The following KIF13B variants were observed in gnomAD, a reference collection of about 807,000 sequenced individuals.
KIF13B encodes the protein kinesin-like protein KIF13B.
In KIF13B, 127 loss-of-function variants were observed where a neutral mutation model predicts 222.0. The ratio of observed to expected loss-of-function variants is 0.57; its 90% CI spans 0.50 to 0.66. KIF13B has a LOEUF of 0.66. KIF13B is among the 30% of genes least tolerant of loss of function. KIF13B has a pLI of 0.00. For synonymous variants in KIF13B, 976 were observed against 919.0 expected, an observed-to-expected ratio of 1.06 and a Z score of -1.12; for missense variants, 2,173 against 2,379.0, an observed-to-expected ratio of 0.91 and a Z score of 1.80.
intron 14 of KIF13B, among the ~76,000 whole-genome samples, chr8:29,151,751 C>A (rs1330236491): frequency 1.3e-5 from 2 of 151,876 alleles, no homozygotes; most frequent in Non-Finnish European, 2.9e-5. Context: ...CACCCAAGAG[C>A]TCTGATGGAG....
upstream of KIF13B, chr8:29,263,270 G>A (rs1035661212): frequency 1.3e-5 from 7 of 534,968 alleles, no homozygotes; most frequent in Non-Finnish European, 2.3e-5. Flanking sequence ...GGCGCGAGTC[G>A]TTTGCTACAA....
chr8:29,149,624 G>GT (rs1032668359), intron 15 of KIF13B, among the ~76,000 whole-genome samples: 3 of 152,166 alleles, frequency 2.0e-5, no homozygotes, highest in African/African-American at 7.2e-5. Context: ...AGACTTCTCT[G>GT]TTTTTTTGGA....
chr8:29,227,022 T>A (rs990225330), intron 2 of KIF13B, among the ~76,000 whole-genome samples: 1 of 152,208 alleles, frequency 6.6e-6, no homozygotes, highest in Non-Finnish European at 1.5e-5. Flanking sequence ...CAAAGTACTT[T>A]GAAATAGCTA....
chr8:29,172,165 C>A (rs1331158030), intron 10 of KIF13B, among the ~76,000 whole-genome samples: 2 of 149,892 alleles, frequency 1.3e-5, no homozygotes, highest in African/African-American at 4.9e-5. Context: ...ACTGCAAGCT[C>A]CTCCTCCCAG....
chr8:29,176,850 G>T (rs907129051), intron 9 of KIF13B, among the ~76,000 whole-genome samples: 1 of 151,864 alleles, frequency 6.6e-6, no homozygotes, highest in Non-Finnish European at 1.5e-5. Context: ...CCTAAAATGA[G>T]CCCACATGAA....
chr8:29,136,378 A>AG (rs757268585), intron 21 of KIF13B, among the ~76,000 whole-genome samples: 1 of 152,130 alleles, frequency 6.6e-6, no homozygotes, highest in Non-Finnish European at 1.5e-5. Context: ...CGGCAGTTCA[A>AG]GACCAGCCTG....
At chr8:29,211,763 A>C (rs193179676) in intron 2 of KIF13B, among the ~76,000 whole-genome samples, 197 of 152,268 alleles carry the variant, frequency 1.3e-3, no homozygotes, top group Admixed American at 4.3e-3. Flanking sequence ...CTCCTTAAAC[A>C]CCAGGTGGCA....
intron 36 of KIF13B, among the ~76,000 whole-genome samples, chr8:29,093,659 T>C (rs1052917374): frequency 6.6e-5 from 10 of 152,226 alleles, no homozygotes; most frequent in Admixed American, 2.0e-4. Context: ...CCTGAAAGGA[T>C]TCCAAACTTA....
In KIF13B at chr8:29,069,156, C is replaced by CAGGACT. The variant is rs1807133859; in HGVS notation, c.*1347_*1348insAGTCCT. The stretch of plus-strand genomic sequence containing the variant: ...CTGTGTGAATCTTGACCCAGGACTC[C>CAGGACT]TGTCCCTAGATTGGTGGCCTTCCAC... On this transcript the variant is annotated 3_prime_UTR_variant, in exon 40 of 40. Coordinates refer to ENST00000524189, the MANE Select transcript of KIF13B (RefSeq NM_015254.4). The CAGGACT allele has an allele frequency of 2.0e-5, 3 of 152,292 alleles. No individual in the cohort carries two copies. Among genetic ancestry groups the CAGGACT allele is most frequent in the Admixed American group, 6.5e-5 (1 of 15,292 alleles). 9.4% of individuals were successfully genotyped at this position (152,292 alleles called of 1,614,324 possible).
chr8:29,117,211 C>T (rs1302311940), intron 30 of KIF13B, among the ~76,000 whole-genome samples: 1 of 152,134 alleles, frequency 6.6e-6, no homozygotes, highest in East Asian at 1.9e-4. Context: ...GCATGATGAT[C>T]CTGGCTGGCT....
chr8:29,126,512 C>G lies in KIF13B; in HGVS notation c.3223-1G>C, dbSNP rs1408598390. 1 of 1,527,708 alleles carries G rather than the reference C, an allele frequency of 6.5e-7. No homozygotes were observed. Among genetic ancestry groups the G allele is most frequent in the South Asian group, 1.2e-5 (1 of 85,512 alleles). The allele number at this position is 1,527,708 out of a possible 1,614,324, so 94.6% of individuals were successfully genotyped here. On this transcript the variant is annotated splice_acceptor_variant, in intron 25 of 39. Coordinates refer to ENST00000524189, the MANE Select transcript of KIF13B (RefSeq NM_015254.4). LOFTEE classifies it high-confidence loss of function. ...AGCTGTCCATGTCTTCCTCTTCCTC[C>G]TAAAAGAAAATATACATTACAAAGA...
At chr8:29,213,052 A>G (rs1814302435) in intron 2 of KIF13B, among the ~76,000 whole-genome samples, 1 of 152,078 alleles carries the variant, frequency 6.6e-6, no homozygotes, top group South Asian at 2.1e-4. Flanking sequence ...ACTCTGCACT[A>G]AGAGTAAGCA....
At chr8:29,263,094 G>C (rs918735910), upstream of KIF13B, 12 of 1,521,298 alleles carry the variant, frequency 7.9e-6, no homozygotes, top group Admixed American at 9.9e-5. Flanking sequence ...GCGACTCTTC[G>C]GGGTTGACCC....
At chr8:29,243,655 C>CAA (rs879661015) in intron 2 of KIF13B, among the ~76,000 whole-genome samples, 3 of 121,480 alleles carry the variant, frequency 2.5e-5, no homozygotes, top group African/African-American at 9.0e-5. Flanking sequence ...GACTCTGCCT[C>CAA]AAAAAAAAAA....
intron 2 of KIF13B, among the ~76,000 whole-genome samples, chr8:29,239,135 C>T (rs1815647553): frequency 6.6e-6 from 1 of 152,180 alleles, no homozygotes; most frequent in Non-Finnish European, 1.5e-5. Flanking sequence ...CATACCCGCC[C>T]AGCCCCCCAA....
chr8:29,215,180 T>C (rs1814417466), intron 2 of KIF13B, among the ~76,000 whole-genome samples: 1 of 151,972 alleles, frequency 6.6e-6, no homozygotes, highest in African/African-American at 2.4e-5. Context: ...AGGAAACATG[T>C]TCTAGCCTCC....
intron 1 of KIF13B, among the ~76,000 whole-genome samples, chr8:29,256,103 G>T (rs1449242113): frequency 1.3e-5 from 2 of 152,196 alleles, no homozygotes; most frequent in Non-Finnish European, 2.9e-5. Flanking sequence ...GTGCTGAGTT[G>T]CTTCCAGGCA....
chr8:29,263,131 G>A (rs1300683629), upstream of KIF13B: 27 of 1,210,992 alleles, frequency 2.2e-5, 1 homozygote, highest in Non-Finnish European at 2.3e-5. Flanking sequence ...GGGCGGAGCC[G>A]GGGGTGGGGA....
intron 9 of KIF13B, 23 bp from the exon 10 acceptor site, chr8:29,176,202 A>G: frequency 7.3e-7 from 1 of 1,365,158 alleles, no homozygotes; most frequent in East Asian, 2.3e-5. Context: ...ACAAACCAAA[A>G]TAATTACAAA....
Sources: gnomAD v4.1 joint callset for allele counts (sites outside exome capture counted in the v4.1 genomes callset) on GRCh38, gnomAD v4.1.1 for gene constraint, MANE v1.5 for transcripts, NCBI Gene and HGNC (gene_info 2026-07-23, HGNC 2026-07-21) for gene names.